The following AGAP1 variants were observed in gnomAD, a reference collection of about 807,000 sequenced individuals.
AGAP1 encodes arf-GAP with GTPase, ANK repeat and PH domain-containing protein 1.
In AGAP1, 29 loss-of-function variants were observed where a neutral mutation model predicts 105.3. The ratio of observed to expected loss-of-function variants is 0.28; its 90% confidence interval spans 0.21 to 0.38. AGAP1 has a LOEUF of 0.38. Among genes scored for constraint, AGAP1 ranks in the 10% least tolerant of loss-of-function variants. The pLI is 1.00. For synonymous variants in AGAP1, 509 were observed against 485.9 expected, an observed-to-expected ratio of 1.05 and a Z score of -0.63; for missense variants, 998 against 1,165.1, an observed-to-expected ratio of 0.86 and a Z score of 2.09.
At position 235,887,676 on chromosome 2, in the gene AGAP1, T is replaced by C. The variant is rs149837451; in HGVS notation, c.1155+4227T>C. ...TTTCCACAGAGCCCAGGAAAAAAAA[T>C]CCCGGCCAAACCATCAGATATTTTT... On this transcript the variant is annotated intron_variant, in intron 10 of 17. Transcript: ENST00000304032. The surrounding 1 kb of genome is among the most constrained non-coding windows in gnomAD (Gnocchi z 4.1). 3.2e-4 allele frequency among the ~76,000 whole-genome samples: 49 copies of C among 152,114 alleles called. No individual in the cohort carries two copies. Among genetic ancestry groups the C allele is most frequent in the African/African-American group, 1.0e-3 (42 of 41,502 alleles).
At chr2:235,941,434 C>G (rs1009927629) in intron 12 of AGAP1, among the ~76,000 whole-genome samples, 1 of 152,158 alleles carries the variant, frequency 6.6e-6, no homozygotes, top group Non-Finnish European at 1.5e-5. Flanking sequence ...AAACGGAGTT[C>G]CCAGGTCTCT....
chr2:235,580,550 C>T (rs1559264565), intron 1 of AGAP1, among the ~76,000 whole-genome samples: 1 of 152,048 alleles, frequency 6.6e-6, no homozygotes, highest in Non-Finnish European at 1.5e-5. Flanking sequence ...GTGCTTCTCT[C>T]TTAGAATAAA....
chr2:235,922,122 G>A (rs1288934812), intron 11 of AGAP1, among the ~76,000 whole-genome samples: 2 of 152,186 alleles, frequency 1.3e-5, no homozygotes, highest in Non-Finnish European at 1.5e-5. Flanking sequence ...GCAGCTGTAG[G>A]GTTTGCAAGG....
At chr2:235,528,796 G>A (rs560315353) in intron 1 of AGAP1, among the ~76,000 whole-genome samples, 3 of 152,138 alleles carry the variant, frequency 2.0e-5, no homozygotes, top group African/African-American at 7.2e-5. Context: ...TCCTGCCTCA[G>A]CCTCCCTAGT....
At chr2:236,115,263 A>G (rs937330775) in intron 16 of AGAP1, among the ~76,000 whole-genome samples, 5 of 152,244 alleles carry the variant, frequency 3.3e-5, no homozygotes, top group African/African-American at 7.2e-5. Flanking sequence ...CACTGTGGCC[A>G]TGGTGTCATC....
At position 235,494,694 on chromosome 2, in the gene AGAP1, A is replaced by G. The variant is rs771557633; in HGVS notation, c.8A>G (p.Tyr3Cys). Residue 3 changes from tyrosine to cysteine, a missense_variant, in exon 1 of 18, where the codon TAC becomes TGC. Transcript: ENST00000304032. ...GGGCGCGGCGCCTGCACCATGAACT[A>G]CCAGCAGCAGCTGGCCAACTCGGCT... MN[Y>C]QQQLANSAAI... 28 of 1,519,662 alleles carry G rather than the reference A, an allele frequency of 1.8e-5. No individual in the cohort carries two copies. Among genetic ancestry groups the G allele is most frequent in the Non-Finnish European group, 2.4e-5 (27 of 1,130,378 alleles). The allele number at this position is 1,519,662 out of a possible 1,614,324, so 94.1% of individuals were successfully genotyped here. A position where few individuals can be genotyped will look rare whatever the true frequency, so the allele number is the denominator to read the frequency against.
At chr2:235,794,672 A>G (rs1454068899) in intron 6 of AGAP1, among the ~76,000 whole-genome samples, 2 of 152,036 alleles carry the variant, frequency 1.3e-5, no homozygotes, top group African/African-American at 4.8e-5. Context: ...GGATTTCACC[A>G]TGTTGGCCAG....
intron 1 of AGAP1, among the ~76,000 whole-genome samples, chr2:235,546,492 C>A (rs1943625619): frequency 6.6e-6 from 1 of 152,246 alleles, no homozygotes. Flanking sequence ...CAGAGCTGTG[C>A]CTGGGACCCG....
intron 13 of AGAP1, among the ~76,000 whole-genome samples, chr2:236,025,023 G>A (rs1297867435): frequency 6.6e-6 from 1 of 152,190 alleles, no homozygotes; most frequent in Non-Finnish European, 1.5e-5. Flanking sequence ...GGGTGTGGTG[G>A]CATCTTGATT....
Position 235,631,238 on chromosome 2 carries a change from GCTGTCAGATCC to G in AGAP1, c.164-77939_164-77929del, listed in dbSNP as rs1946820468. 6.6e-6 allele frequency among the ~76,000 whole-genome samples: 1 copy of G among 152,198 alleles called. No homozygotes were observed. The highest frequency in any genetic ancestry group is 2.1e-4 in the South Asian group (1 of 4,832). Reference sequence around the variant, plus strand: ...AAATGGCAAACTCGATAACTGGAATGCTGTCAGATCCCAGGGTAACAAAAGGGTGGTGTCCC... The same window carrying G: ...AAATGGCAAACTCGATAACTGGAATGCAGGGTAACAAAAGGGTGGTGTCCC... On this transcript the variant is annotated intron_variant, in intron 1 of 17. Coordinates refer to ENST00000304032, the MANE Select transcript of AGAP1 (RefSeq NM_001037131.3). This position sits in a 1 kb window ranked among gnomAD's most constrained non-coding sequence, Gnocchi z 5.4.
chr2:235,817,294 T>G (rs1050599540), intron 9 of AGAP1, among the ~76,000 whole-genome samples: 1 of 152,014 alleles, frequency 6.6e-6, no homozygotes, highest in Non-Finnish European at 1.5e-5. Flanking sequence ...ATGGTTCTGC[T>G]TGTTGCCTAC....
chr2:235,763,675 C>T (rs1954656982), intron 6 of AGAP1, among the ~76,000 whole-genome samples: 1 of 152,146 alleles, frequency 6.6e-6, no homozygotes, highest in Admixed American at 6.5e-5. Context: ...CAGCAGCTGC[C>T]CTTTTTCTGC....
intron 6 of AGAP1, among the ~76,000 whole-genome samples, chr2:235,759,036 C>T (rs1027364459): frequency 5.9e-5 from 9 of 152,096 alleles, no homozygotes; most frequent in South Asian, 4.1e-4. Flanking sequence ...CAAAGCGATC[C>T]GACCGCCTCA....
In AGAP1 at chr2:235,737,930, G is replaced by A. The variant is rs1034097272; in HGVS notation, c.311-3033G>A. On this transcript the variant is annotated intron_variant, in intron 3 of 17. Coordinates refer to ENST00000304032, the MANE Select transcript of AGAP1 (RefSeq NM_001037131.3). The surrounding 1 kb of genome is among the most constrained non-coding windows in gnomAD (Gnocchi z 4.5). Reference sequence around the variant, plus strand: ...TGAACCTTAGGGTTCATCAAGCAGGGAGGGCTTCCACATACCCTTGTATCT... The same window carrying A: ...TGAACCTTAGGGTTCATCAAGCAGGAAGGGCTTCCACATACCCTTGTATCT... Among the ~76,000 whole-genome samples, 1 of 152,028 alleles carries A rather than the reference G, an allele frequency of 6.6e-6. No individual in the cohort carries two copies. The highest frequency in any genetic ancestry group is 1.5e-5 in the Non-Finnish European group (1 of 68,008).
intron 13 of AGAP1, among the ~76,000 whole-genome samples, chr2:236,031,956 C>T (rs571687592): frequency 3.9e-5 from 6 of 152,282 alleles, no homozygotes; most frequent in South Asian, 4.2e-4. Flanking sequence ...CTGGGCCTGC[C>T]GTTCACTGCA....
rs991177040 is a variant in AGAP1 at position 235,665,018 on chromosome 2, C to T, written c.164-44161C>T. 1.3e-5 allele frequency among the ~76,000 whole-genome samples: 2 copies of T among 152,070 alleles called. No homozygotes were observed. Among genetic ancestry groups the T allele is most frequent in the African/African-American group, 2.4e-5 (1 of 41,398 alleles). Reference sequence around the variant, plus strand: ...GGAGAATCATCTGAGGTGAGGCGTTCGAGACCAGCCTGGGCAACATGGCAA... The same window carrying T: ...GGAGAATCATCTGAGGTGAGGCGTTTGAGACCAGCCTGGGCAACATGGCAA... On this transcript the variant is annotated intron_variant, in intron 1 of 17. Transcript: ENST00000304032. This position sits in a 1 kb window ranked among gnomAD's most constrained non-coding sequence, Gnocchi z 5.3.
At position 236,036,246 on chromosome 2, in the gene AGAP1, T is replaced by A. The variant is rs2057378231; in HGVS notation, c.1646-315T>A. Among the ~76,000 whole-genome samples the A allele has an allele frequency of 6.6e-6, 1 of 152,126 alleles. No homozygotes were observed. Among genetic ancestry groups the A allele is most frequent in the Non-Finnish European group, 1.5e-5 (1 of 68,024 alleles). ...ACAGATAAGGATGGTCAGCCATGAG[T>A]TACATGGTTATTCTCCTAAGTTGCT... On this transcript the variant is annotated intron_variant, in intron 13 of 17. Transcript: ENST00000304032. This position sits in a 1 kb window ranked among gnomAD's most constrained non-coding sequence, Gnocchi z 5.7.
chr2:235,833,836 ACTCCAATC>A (rs888040151), intron 9 of AGAP1, among the ~76,000 whole-genome samples: 1 of 144,026 alleles, frequency 6.9e-6, no homozygotes, highest in Non-Finnish European at 1.5e-5. Context: ...AGTGCATCTC[ACTCCAATC>A]CTCCAATCTG....
rs191214774 is a variant in AGAP1 at position 235,992,314 on chromosome 2, C to G, written c.1645+23691C>G. On this transcript the variant is annotated intron_variant, in intron 13 of 17. Transcript: ENST00000304032. This position sits in a 1 kb window ranked among gnomAD's most constrained non-coding sequence, Gnocchi z 4.8. ...GCGGGTGGCCTGGGCGAGTGCCTCA[C>G]GCTCCCGTCAGTGCTCTCAGCTGTA... 8.0e-4 allele frequency among the ~76,000 whole-genome samples: 122 copies of G among 152,336 alleles called. No homozygotes were observed. Among genetic ancestry groups the G allele is most frequent in the Non-Finnish European group, 3.5e-4 (24 of 68,048 alleles).
Sources: gnomAD v4.1 joint callset for allele counts (sites outside exome capture counted in the v4.1 genomes callset) on GRCh38, gnomAD v4.1.1 for gene constraint, Gnocchi (gnomAD v3.1) non-coding constraint, MANE v1.5 for transcripts, NCBI Gene and HGNC (gene_info 2026-07-23, HGNC 2026-07-21) for gene names.